Variants in TBR1 observed in about 807,000 individuals in gnomAD.
TBR1 encodes T-box brain protein 1.
In TBR1, 7 loss-of-function variants were observed where a neutral mutation model predicts 60.3. The observed-to-expected ratio is 0.12, with a 90% CI of 0.07 to 0.22. TBR1 has a LOEUF of 0.22. TBR1 is among the 10% of genes least tolerant of loss of function. TBR1 has a pLI of 1.00. For synonymous variants in TBR1, 417 were observed against 409.9 expected, an observed-to-expected ratio of 1.02 and a Z score of -0.21; for missense variants, 616 against 936.8, an observed-to-expected ratio of 0.66 and a Z score of 4.47.
At position 161,416,998 on chromosome 2, in the gene TBR1, G is replaced by C. The variant is rs531185213; in HGVS notation, c.588G>C (p.Gln196His). 1 of 1,614,162 alleles carries C rather than the reference G, an allele frequency of 6.2e-7. No individual in the cohort carries two copies. The highest frequency in any genetic ancestry group is 1.3e-5 in the African/African-American group (1 of 75,066). Reference protein sequence around the residue: ...GAPFYQFSSTQPGLVPGKAQV... With the variant: ...GAPFYQFSSTHPGLVPGKAQV... The stretch of plus-strand genomic sequence containing the variant: ...CGTTCTACCAGTTCTCCTCCACCCA[G>C]CCGGGGCTGGTGCCCGGCAAAGCAC... The change falls in exon 1 of 6, where the codon CAG (glutamine) becomes CAC (histidine). Residue 196 changes from glutamine to histidine, a missense_variant. Physicochemically the swap from Gln to His is conservative, Grantham distance 24 (BLOSUM62 0). Around this residue, in one of 8 missense-constraint regions of TBR1, gnomAD observed 211 missense variants for 268.7 expected, o/e 0.79. Transcript: ENST00000389554. This position sits in a 1 kb window ranked among gnomAD's most constrained non-coding sequence, Gnocchi z 6.1.
intron 3 of TBR1, 171 bp from the exon 4 acceptor site, chr2:161,418,721 C>A: frequency 1.1e-6 from 1 of 909,028 alleles, no homozygotes; most frequent in Non-Finnish European, 1.6e-6. Flanking sequence ...GAAAGCCGGT[C>A]TGCCCCAGCC....
At position 161,423,377 on chromosome 2, in the gene TBR1, C is replaced by G; in HGVS notation, c.1199C>G (p.Thr400Ser). Residue 400 changes from threonine (T) to serine (S), a missense_variant, in exon 6 of 6, where the codon ACC (threonine) becomes AGC (serine). By Grantham distance (58) the Thr-to-Ser change is moderately conservative. Coordinates refer to ENST00000389554, the MANE Select transcript of TBR1 (RefSeq NM_006593.4). ...CTCTCCCTACCCCGCAGGATCTACA[C>G]CGGCTGTGACATGGACCGCCTGACC... is the stretch of plus-strand genomic sequence containing the variant. ...GFRDNYDTIYTGCDMDRLTPS... is the reference protein window; with the variant it reads ...GFRDNYDTIYSGCDMDRLTPS... 1 of 1,541,782 alleles carries G rather than the reference C, an allele frequency of 6.5e-7. No homozygotes were observed. Among genetic ancestry groups the G allele is most frequent in the Non-Finnish European group, 8.8e-7 (1 of 1,142,586 alleles).
rs1684142030 is a variant in TBR1, at chr2:161,417,435, C to T, written c.693-241C>T. Reference sequence around the variant, plus strand: ...GTGGAGACGCAGGTCGCCAACCTCGCTCTCCACCTGGGCAGTGATAACTGC... The same window carrying T: ...GTGGAGACGCAGGTCGCCAACCTCGTTCTCCACCTGGGCAGTGATAACTGC... On this transcript the variant is annotated intron_variant, in intron 1 of 5. Transcript: ENST00000389554. This position sits in a 1 kb window ranked among gnomAD's most constrained non-coding sequence, Gnocchi z 5.3. The T allele has an allele frequency of 3.4e-6, 2 of 581,430 alleles. No homozygotes were observed. Among genetic ancestry groups the T allele is most frequent in the Non-Finnish European group, 5.9e-6 (2 of 337,198 alleles). 36.0% of individuals were successfully genotyped at this position (581,430 alleles called of 1,614,324 possible).
intron 4 of TBR1, 156 bp downstream of exon 4, chr2:161,419,206 G>A: frequency 1.9e-6 from 2 of 1,078,688 alleles, no homozygotes; most frequent in Non-Finnish European, 2.6e-6. Context: ...CTCGGGGCCT[G>A]CCCACGGCAC....
intron 3 of TBR1, chr2:161,418,624 G>C (rs546202512): frequency 5.4e-6 from 3 of 551,780 alleles, no homozygotes; most frequent in African/African-American, 4.0e-5. Flanking sequence ...CTCCTTACAG[G>C]AGGACTAGGA....
At position 161,423,990 on chromosome 2, in the gene TBR1, C is replaced by G. The variant is rs751239156; in HGVS notation, c.1812C>G (p.Ala604=). The G allele has an allele frequency of 1.3e-5, 20 of 1,560,574 alleles. No individual in the cohort carries two copies. Among genetic ancestry groups the G allele is most frequent in the Non-Finnish European group, 1.6e-5 (18 of 1,152,954 alleles). The change falls in exon 6 of 6, where the codon GCC becomes GCG. Residue 604 remains alanine (A), a synonymous_variant. Transcript: ENST00000389554. ...SPLPPGAAED[A]KPKDLSDSSW... ...TGCCGCCCGGCGCCGCCGAGGACGC[C>G]AAGCCCAAGGACCTGTCCGATTCCA...
In TBR1 at chr2:161,418,978, G is replaced by A; in HGVS notation, c.1056G>A (p.Gln352=). 1 of 1,614,238 alleles carries A rather than the reference G, an allele frequency of 6.2e-7. No homozygotes were observed. Among genetic ancestry groups the A allele is most frequent in the African/African-American group, 1.3e-5 (1 of 75,070 alleles). Residue 352 remains glutamine (Q), a synonymous_variant, in exon 4 of 6, where the codon CAG becomes CAA. Coordinates refer to ENST00000389554, the MANE Select transcript of TBR1 (RefSeq NM_006593.4). The part of the protein sequence containing the change: ...VNEDGTEDTS[Q]PGRVQTFTFP... The stretch of plus-strand genomic sequence containing the variant: ...AGGACGGCACGGAGGACACTAGCCA[G>A]CCCGGCCGCGTGCAGACGTTCACTT...
chr2:161,420,121 G>A (rs911535184), intron 4 of TBR1, 75 bp from the exon 5 acceptor site: 38 of 1,290,348 alleles, frequency 2.9e-5, no homozygotes, highest in Non-Finnish European at 4.2e-5. Flanking sequence ...TGTAAAAGTG[G>A]CAGATGATAT....
chr2:161,423,296 C>G, intron 5 of TBR1, 73 bp from the exon 6 acceptor site: 5 of 1,090,582 alleles, frequency 4.6e-6, no homozygotes, highest in Non-Finnish European at 5.0e-6. Context: ...GCCTTCCCTT[C>G]TGCCCCCACC....
intron 5 of TBR1, chr2:161,421,935 T>TACACACAC (rs1291347475): frequency 9.9e-5 from 3 of 30,384 alleles, no homozygotes; most frequent in African/African-American, 1.7e-4. Flanking sequence ...CTTCTTTATC[T>TACACACAC]ATACACACAC....
chr2:161,422,222 A>T (rs949115823), intron 5 of TBR1: 1 of 152,246 alleles, frequency 6.6e-6, no homozygotes, highest in African/African-American at 2.4e-5. Context: ...TGTGAGCTAA[A>T]TAAAAAGGGA....
intron 5 of TBR1, chr2:161,421,242 T>C (rs1684226985): frequency 6.6e-6 from 1 of 152,264 alleles, no homozygotes; most frequent in Admixed American, 6.5e-5. Flanking sequence ...GAAGCTGCCT[T>C]TGACTAGCAT....
Position 161,418,960 on chromosome 2 carries a change from C to G in TBR1, c.1038C>G (p.Gly346=), listed in dbSNP as rs760323663. 1 of 1,614,140 alleles carries G rather than the reference C, an allele frequency of 6.2e-7. No individual in the cohort carries two copies. Among genetic ancestry groups the G allele is most frequent in the African/African-American group, 1.3e-5 (1 of 74,958 alleles). ...RLHVVEVNED[G]TEDTSQPGRV... Reference sequence around the variant, plus strand: ...ATGTGGTGGAAGTGAACGAGGACGGCACGGAGGACACTAGCCAGCCCGGCC... The same window carrying G: ...ATGTGGTGGAAGTGAACGAGGACGGGACGGAGGACACTAGCCAGCCCGGCC... The change falls in exon 4 of 6, where the codon GGC becomes GGG. Residue 346 remains glycine, a synonymous_variant. Transcript: ENST00000389554.
Position 161,417,137 on chromosome 2 carries a change from C to G in TBR1, c.692+35C>G. ...CATTTTTGGCTGCCGCTGCTCTAGGCGCAGCCGGGGACAAGTGCACCTAGG... is the reference window on the plus strand; with the variant it reads ...CATTTTTGGCTGCCGCTGCTCTAGGGGCAGCCGGGGACAAGTGCACCTAGG... On this transcript the variant is annotated intron_variant, in intron 1 of 5. Transcript: ENST00000389554. The surrounding 1 kb of genome is among the most constrained non-coding windows in gnomAD (Gnocchi z 5.3). The G allele has an allele frequency of 6.5e-7, 1 of 1,538,314 alleles. No homozygotes were observed. Among genetic ancestry groups the G allele is most frequent in the East Asian group, 2.3e-5 (1 of 44,156 alleles).
rs1353887925 is a variant in TBR1, at chr2:161,424,560, T to C, written c.*333T>C. 4.0e-6 allele frequency: 1 copy of C among 252,650 alleles called. No homozygotes were observed. Among genetic ancestry groups the C allele is most frequent in the Non-Finnish European group, 7.7e-6 (1 of 130,538 alleles). 15.7% of individuals were successfully genotyped at this position (252,650 alleles called of 1,614,324 possible). Reference sequence around the variant, plus strand: ...ACTTCTCTTTCTTGTAATGAAACTCTTCACCTTTAGGAGACCTGGGCAGTC... The same window carrying C: ...ACTTCTCTTTCTTGTAATGAAACTCCTCACCTTTAGGAGACCTGGGCAGTC... On this transcript the variant is annotated 3_prime_UTR_variant, in exon 6 of 6. Transcript: ENST00000389554. This position sits in a 1 kb window ranked among gnomAD's most constrained non-coding sequence, Gnocchi z 4.4.
At chr2:161,421,963 C>CACACAA (rs1401906888) in intron 5 of TBR1, 1 of 152,364 alleles carries the variant, frequency 6.6e-6, no homozygotes, top group East Asian at 1.9e-4. Flanking sequence ...CACACACACA[C>CACACAA]ACAAACCTGA....
In TBR1 at chr2:161,417,910, G is replaced by A. The variant is rs903017902; in HGVS notation, c.847+80G>A. On this transcript the variant is annotated intron_variant, in intron 2 of 5. Coordinates refer to ENST00000389554, the MANE Select transcript of TBR1 (RefSeq NM_006593.4). This position sits in a 1 kb window ranked among gnomAD's most constrained non-coding sequence, Gnocchi z 5.3. ...AATTAAAGCCTTTGTGGACTGGCTC[G>A]AGCGACTTTTAAAACGATCGGCCAA... 6.6e-7 allele frequency: 1 copy of A among 1,524,158 alleles called. No individual in the cohort carries two copies. 94.4% of individuals were successfully genotyped at this position (1,524,158 alleles called of 1,614,324 possible).
intron 5 of TBR1, chr2:161,422,609 G>A (rs1559062076): frequency 6.6e-6 from 1 of 152,216 alleles, no homozygotes; most frequent in Non-Finnish European, 1.5e-5. Flanking sequence ...GAAGGTCAGA[G>A]TAAAGAACAC....
chr2:161,417,043 G>C lies in TBR1; in HGVS notation c.633G>C (p.Arg211Ser), dbSNP rs1252875232. The C allele has an allele frequency of 6.2e-7, 1 of 1,611,912 alleles. No individual in the cohort carries two copies. The change falls in exon 1 of 6, where the codon AGG (arginine) becomes AGC (serine). Residue 211 changes from arginine to serine, a missense_variant. Arg to Ser is a moderately radical substitution (Grantham distance 110). This residue lies in a region of TBR1 where 211 missense variants were observed against 268.7 expected (regional missense o/e 0.79). Transcript: ENST00000389554. The surrounding 1 kb of genome is among the most constrained non-coding windows in gnomAD (Gnocchi z 5.3). ...AAGCACAGGTGTACCTGTGCAACAG[G>C]CCCCTTTGGCTGAAATTTCACCGGC... ...PGKAQVYLCN[R>S]PLWLKFHRHQ... is the part of the protein sequence containing the mutation.
Sources: gnomAD v4.1 joint callset for allele counts on GRCh38, gnomAD v4.1.1 for gene constraint, gnomAD v4.1.1 regional missense constraint, Gnocchi (gnomAD v3.1) non-coding constraint, MANE v1.5 for transcripts, NCBI Gene and HGNC (gene_info 2026-07-23, HGNC 2026-07-21) for gene names.